Variants in RGR observed in about 807,000 individuals in gnomAD.
RGR encodes the protein RPE-retinal G protein-coupled receptor.
In RGR, 30 loss-of-function variants were observed where a neutral mutation model predicts 28.6. The ratio of observed to expected loss-of-function variants is 1.05; its 90% CI spans 0.78 to 1.42. RGR has a LOEUF of 1.42. Ranked by LOEUF, RGR falls within the 40% of genes most tolerant of loss-of-function variation. The pLI is 0.00. For synonymous variants in RGR, 180 were observed against 156.4 expected (o/e 1.15, Z -1.13); for missense variants, 404 against 375.6 (o/e 1.08, Z -0.62).
Position 84,258,799 on chromosome 10 carries a change from C to A in RGR, c.*160C>A. On this transcript the variant is annotated 3_prime_UTR_variant, in exon 7 of 7. Coordinates refer to ENST00000652092, the MANE Select transcript of RGR (RefSeq NM_001012720.2). ...GGATTCAGAAAGACACCAGGCTGCA[C>A]AGAAAGAGCCAGATGGACCTGAGTG... 9.8e-7 allele frequency: 1 copy of A among 1,024,026 alleles called. No homozygotes were observed. The highest frequency in any genetic ancestry group is 1.5e-6 in the Non-Finnish European group (1 of 687,728). 63.4% of individuals were successfully genotyped at this position (1,024,026 alleles called of 1,614,324 possible). A position where few individuals can be genotyped will look rare whatever the true frequency, so the allele number is the denominator to read the frequency against.
chr10:84,258,633 C>T lies in RGR; in HGVS notation c.870C>T (p.Thr290=), dbSNP rs201662923. The T allele has an allele frequency of 6.2e-7, 1 of 1,614,138 alleles. No homozygotes were observed. The highest frequency in any genetic ancestry group is 1.3e-5 in the African/African-American group (1 of 75,048). Residue 290 remains threonine, a synonymous_variant, in exon 7 of 7, where the codon ACC becomes ACT. Coordinates refer to ENST00000652092, the MANE Select transcript of RGR (RefSeq NM_001012720.2). ...LSPQKREKDR[T]K ...CGCAGAAGAGGGAGAAGGACCGAAC[C>T]AAGTGAGCCTGCCACCCTGGAGTGA...
chr10:84,255,449 GTTTAA>G (rs1481926787), intron 5 of RGR: 1 of 152,220 alleles, frequency 6.6e-6, no homozygotes, highest in African/African-American at 2.4e-5. Flanking sequence ...GCTTTGAGAT[GTTTAA>G]TTTAATCACA....
At chr10:84,248,752 T>A in intron 2 of RGR, 170 bp from the exon 3 acceptor site, 1 of 1,201,700 alleles carries the variant, frequency 8.3e-7, no homozygotes, top group Non-Finnish European at 1.2e-6. Flanking sequence ...CTCCACCCCT[T>A]CAGCCCAGTT....
chr10:84,251,807 T>C (rs916875377), intron 3 of RGR, among the ~76,000 whole-genome samples: 5 of 152,120 alleles, frequency 3.3e-5, no homozygotes, highest in Non-Finnish European at 7.4e-5. Flanking sequence ...TGCCATCACA[T>C]TGGGGATTAG....
At chr10:84,245,670 TG>T (rs1234175169) in intron 1 of RGR, among the ~76,000 whole-genome samples, 7 of 152,106 alleles carry the variant, frequency 4.6e-5, no homozygotes, top group African/African-American at 1.7e-4. Flanking sequence ...AATGGGATAA[TG>T]GGTATAAAGT....
rs1842730100 is a variant in RGR at position 84,245,070 on chromosome 10, T to TGGCAGTGAGG, written c.-19_-10dup. The TGGCAGTGAGG allele has an allele frequency of 1.2e-6, 2 of 1,612,896 alleles. No individual in the cohort carries two copies. Among genetic ancestry groups the TGGCAGTGAGG allele is most frequent in the Non-Finnish European group, 1.7e-6 (2 of 1,179,340 alleles). On this transcript the variant is annotated 5_prime_UTR_variant, in exon 1 of 7. Coordinates refer to ENST00000652092, the MANE Select transcript of RGR (RefSeq NM_001012720.2). ...GGGAAGCCAGAGACAGCTGGGCCACTGGCAGTGAGGGAGAGTGAGGATGGC... is the reference window on the plus strand; with the variant it reads ...GGGAAGCCAGAGACAGCTGGGCCACTGGCAGTGAGGGGCAGTGAGGGAGAGTGAGGATGGC...
intron 3 of RGR, among the ~76,000 whole-genome samples, chr10:84,252,379 C>T (rs1024975612): frequency 6.6e-6 from 1 of 152,226 alleles, no homozygotes; most frequent in Non-Finnish European, 1.5e-5. Flanking sequence ...TCTTCCTGAA[C>T]TTTGTCTCTG....
chr10:84,258,449 G>T, intron 6 of RGR, 59 bp from the exon 7 acceptor site: 1 of 1,613,634 alleles, frequency 6.2e-7, no homozygotes, highest in African/African-American at 1.3e-5. Flanking sequence ...CACCAGGTGA[G>T]ACCAGAGAGA....
intron 1 of RGR, 151 bp downstream of exon 1, chr10:84,245,320 G>A (rs906091410): frequency 1.7e-5 from 12 of 692,740 alleles, no homozygotes; most frequent in East Asian, 1.4e-4. Context: ...GCCCGGACTC[G>A]GGGGGTGTTC....
At chr10:84,257,799 C>A in intron 5 of RGR, 94 bp from the exon 6 acceptor site, 1 of 1,015,818 alleles carries the variant, frequency 9.8e-7, no homozygotes, top group Non-Finnish European at 1.5e-6. Context: ...CCATGCTGCC[C>A]CGCCCTGCTG....
Position 84,258,671 on chromosome 10 carries a change from G to A in RGR, c.*32G>A. The A allele has an allele frequency of 1.2e-6, 2 of 1,613,554 alleles. No homozygotes were observed. Among genetic ancestry groups the A allele is most frequent in the South Asian group, 1.1e-5 (1 of 91,058 alleles). ...CACCCTGGAGTGAGCCCCAGGCCAG[G>A]AGGCTGTTCCAGGAGTCCTGCCCAG... On this transcript the variant is annotated 3_prime_UTR_variant, in exon 7 of 7. Transcript: ENST00000652092.
intron 3 of RGR, chr10:84,250,509 C>T (rs1010820758): frequency 3.0e-6 from 2 of 677,126 alleles, no homozygotes; most frequent in South Asian, 1.5e-5. Flanking sequence ...CTCCCTTGGA[C>T]CATCTTATAC....
intron 4 of RGR, 136 bp from the exon 5 acceptor site, chr10:84,254,190 G>A (rs1842853500): frequency 1.3e-6 from 1 of 793,806 alleles, no homozygotes. Context: ...TGGGACCCGG[G>A]AGCAACCACA....
At position 84,258,600 on chromosome 10, in the gene RGR, C is replaced by T. The variant is rs756437194; in HGVS notation, c.837C>T (p.Cys279=). 1.2e-6 allele frequency: 2 copies of T among 1,614,192 alleles called. No homozygotes were observed. The highest frequency in any genetic ancestry group is 2.2e-5 in the East Asian group (1 of 44,870). ...TGGTCTGCAGGGGAATCTGGCAGTG[C>T]CTCTCACCGCAGAAGAGGGAGAAGG... is the stretch of plus-strand genomic sequence containing the variant. ...NEMVCRGIWQ[C]LSPQKREKDR... The change falls in exon 7 of 7, where the codon TGC becomes TGT. Residue 279 remains cysteine, a synonymous_variant. Coordinates refer to ENST00000652092, the MANE Select transcript of RGR (RefSeq NM_001012720.2).
chr10:84,252,951 T>A lies in RGR; in HGVS notation c.453T>A (p.Gly151=). 6.2e-7 allele frequency: 1 copy of A among 1,613,992 alleles called. No individual in the cohort carries two copies. ...CAGCTCTGCCCCTTCTGGGTTGGGGTCACTACGACTATGAGCCACTGGGGA... is the reference window on the plus strand; with the variant it reads ...CAGCTCTGCCCCTTCTGGGTTGGGGACACTACGACTATGAGCCACTGGGGA... The part of the protein sequence containing the change: ...FWAALPLLGW[G]HYDYEPLGTC... The change falls in exon 4 of 7, where the codon GGT becomes GGA. Residue 151 remains glycine (G), a synonymous_variant. Coordinates refer to ENST00000652092, the MANE Select transcript of RGR (RefSeq NM_001012720.2).
intron 1 of RGR, among the ~76,000 whole-genome samples, chr10:84,247,011 GT>G (rs1301764100): frequency 6.6e-6 from 1 of 152,176 alleles, no homozygotes; most frequent in Non-Finnish European, 1.5e-5. Context: ...ATTTTTTCCT[GT>G]TCCTCACTTT....
intron 3 of RGR, among the ~76,000 whole-genome samples, chr10:84,249,760 C>A (rs2132879876): frequency 6.6e-6 from 1 of 152,350 alleles, no homozygotes; most frequent in South Asian, 2.1e-4. Context: ...TGCCCTGGCA[C>A]CCCACACTTC....
intron 4 of RGR, 77 bp downstream of exon 4, chr10:84,253,087 A>G: frequency 2.6e-6 from 4 of 1,514,984 alleles, no homozygotes; most frequent in Non-Finnish European, 3.6e-6. Flanking sequence ...AGGGTGCCCC[A>G]GCTGAAAATC....
At chr10:84,252,631 A>C (rs1842832782) in intron 3 of RGR, among the ~76,000 whole-genome samples, 1 of 152,158 alleles carries the variant, frequency 6.6e-6, no homozygotes, top group Admixed American at 6.5e-5. Flanking sequence ...TGAGTTGCTT[A>C]GTTAACCCCT....
Sources: gnomAD v4.1 joint callset for allele counts (sites outside exome capture counted in the v4.1 genomes callset) on GRCh38, gnomAD v4.1.1 for gene constraint, MANE v1.5 for transcripts, NCBI Gene and HGNC (gene_info 2026-07-23, HGNC 2026-07-21) for gene names.